Variants in CTNND2 observed in about 807,000 individuals in gnomAD.
CTNND2 encodes the protein catenin delta-2.
A neutral mutation model predicts 144.4 loss-of-function variants in CTNND2; 22 were observed. The observed-to-expected ratio is 0.15, with a 90% confidence interval of 0.11 to 0.22. The LOEUF is 0.22. Ranked by LOEUF, CTNND2 falls within the 10% of genes least tolerant of loss-of-function variation. The pLI is 1.00. For missense variants in CTNND2, 1,353 were observed against 1,618.8 expected (o/e 0.84, Z 2.82); for synonymous variants, 751 against 695.6 (o/e 1.08, Z -1.25).
chr5:11,114,278 G>A (rs2973501), intron 13 of CTNND2, among the ~76,000 whole-genome samples: 33,737 of 152,000 alleles, frequency 0.22, 4,188 homozygotes, highest in Middle Eastern at 0.33. Flanking sequence ...GACTCCTGGG[G>A]AATAAATCTG....
chr5:11,542,118 A>G (rs1384871800), intron 3 of CTNND2, among the ~76,000 whole-genome samples: 2 of 152,166 alleles, frequency 1.3e-5, no homozygotes, highest in Non-Finnish European at 2.9e-5. Context: ...GATTTACCTC[A>G]GAGGCAACAC....
At chr5:11,675,942 G>A (rs936941264) in intron 2 of CTNND2, among the ~76,000 whole-genome samples, 5 of 151,452 alleles carry the variant, frequency 3.3e-5, no homozygotes, top group Admixed American at 1.3e-4. Flanking sequence ...GTTTTCTTCA[G>A]CTCCATCAAG....
Position 11,454,420 on chromosome 5 carries a change from TA to T in CTNND2, c.288-42352del, listed in dbSNP as rs890483903. On this transcript the variant is annotated intron_variant, in intron 3 of 21. Transcript: ENST00000304623. ...GGTGACAGAGCGAGACTCCGTCTAA[TA>T]AAAAAAAAATAAGTAAATAATAAAA... 1.3e-3 allele frequency among the ~76,000 whole-genome samples: 186 copies of T among 148,006 alleles called. 1 individual carries two copies. Among genetic ancestry groups the T allele is most frequent in the African/African-American group, 4.0e-3 (162 of 40,420 alleles).
chr5:11,734,181 G>A lies in CTNND2; in HGVS notation c.38-1909C>T, dbSNP rs139266237. ...TCAAGTTAATTTCCATTGCTTATAA[G>A]GAGCCAATTTATGGTGTTTGGTTAC... On this transcript the variant is annotated intron_variant, in intron 1 of 21. Transcript: ENST00000304623. 5.3e-3 allele frequency among the ~76,000 whole-genome samples: 801 copies of A among 152,268 alleles called. 4 individuals are homozygous for A. The highest frequency in any genetic ancestry group is 0.019 in the African/African-American group (774 of 41,550).
intron 1 of CTNND2, among the ~76,000 whole-genome samples, chr5:11,743,215 T>C (rs1021801878): frequency 6.6e-6 from 1 of 152,190 alleles, no homozygotes; most frequent in Non-Finnish European, 1.5e-5. Context: ...AGCTAATATA[T>C]GAACGATTAG....
chr5:11,708,610 C>T (rs913357189), intron 2 of CTNND2, among the ~76,000 whole-genome samples: 1 of 152,128 alleles, frequency 6.6e-6, no homozygotes, highest in Non-Finnish European at 1.5e-5. Flanking sequence ...CTGGGATTAT[C>T]TAGGGCGGGC....
At chr5:11,216,770 G>A (rs751388947) in intron 10 of CTNND2, among the ~76,000 whole-genome samples, 2 of 152,252 alleles carry the variant, frequency 1.3e-5, no homozygotes, top group Non-Finnish European at 2.9e-5. Flanking sequence ...GAGCACTTCA[G>A]GCTCGCTGGA....
At chr5:11,340,680 T>C (rs370662746) in intron 9 of CTNND2, among the ~76,000 whole-genome samples, 13 of 152,342 alleles carry the variant, frequency 8.5e-5, no homozygotes, top group African/African-American at 2.9e-4. Flanking sequence ...CAGTGATTCA[T>C]AGTTTTGCAG....
intron 9 of CTNND2, among the ~76,000 whole-genome samples, chr5:11,261,986 T>C (rs1022339411): frequency 6.6e-6 from 1 of 152,148 alleles, no homozygotes; most frequent in African/African-American, 2.4e-5. Context: ...AGTCAAAACA[T>C]ATCTACGCCT....
At chr5:11,194,890 G>C (rs1049747570) in intron 11 of CTNND2, among the ~76,000 whole-genome samples, 1 of 152,126 alleles carries the variant, frequency 6.6e-6, no homozygotes, top group Non-Finnish European at 1.5e-5. Flanking sequence ...ATATTCTCTT[G>C]GGCCCCTGGT....
At chr5:11,595,050 G>A (rs1019758657) in intron 2 of CTNND2, among the ~76,000 whole-genome samples, 16 of 152,160 alleles carry the variant, frequency 1.1e-4, no homozygotes, top group Non-Finnish European at 2.4e-4. Flanking sequence ...TGCCTTCCAA[G>A]GGACACGGGG....
intron 9 of CTNND2, among the ~76,000 whole-genome samples, chr5:11,316,840 A>C (rs1218080831): frequency 2.0e-5 from 3 of 152,230 alleles, no homozygotes; most frequent in East Asian, 1.9e-4. Context: ...TTATGGCTGC[A>C]TAGTATTCCA....
intron 1 of CTNND2, among the ~76,000 whole-genome samples, chr5:11,899,875 T>C (rs1737715587): frequency 6.6e-6 from 1 of 152,168 alleles, no homozygotes; most frequent in African/African-American, 2.4e-5. Context: ...AAGCCAGTGC[T>C]CTCTCCACAT....
intron 20 of CTNND2, among the ~76,000 whole-genome samples, chr5:10,987,485 T>C (rs954840712): frequency 6.6e-6 from 1 of 152,160 alleles, no homozygotes. Context: ...GCGTGAAAGA[T>C]GAATGCCTCC....
At chr5:11,210,820 C>CT (rs1738554033) in intron 10 of CTNND2, among the ~76,000 whole-genome samples, 1 of 152,136 alleles carries the variant, frequency 6.6e-6, no homozygotes, top group African/African-American at 2.4e-5. Flanking sequence ...CAAATGTTTC[C>CT]TGTGGGCCTT....
intron 1 of CTNND2, among the ~76,000 whole-genome samples, chr5:11,787,514 G>C (rs945838879): frequency 1.3e-5 from 2 of 152,146 alleles, no homozygotes; most frequent in African/African-American, 4.8e-5. Flanking sequence ...TGCAATTGAT[G>C]TACTTATTAT....
At chr5:11,629,657 A>G (rs985878028) in intron 2 of CTNND2, among the ~76,000 whole-genome samples, 1 of 152,074 alleles carries the variant, frequency 6.6e-6, no homozygotes, top group Non-Finnish European at 1.5e-5. Context: ...TCTGAACACA[A>G]GTTCATTTCT....
chr5:11,464,405 C>A (rs1766480290), intron 3 of CTNND2, among the ~76,000 whole-genome samples: 1 of 152,076 alleles, frequency 6.6e-6, no homozygotes, highest in Admixed American at 6.5e-5. Context: ...AGGGAGCCTG[C>A]AATGTTCTCC....
chr5:11,115,611 G>C (rs935235355), intron 13 of CTNND2, among the ~76,000 whole-genome samples: 1 of 152,162 alleles, frequency 6.6e-6, no homozygotes, highest in Non-Finnish European at 1.5e-5. Context: ...GATACTAAAT[G>C]GTCTAAAATG....
Sources: gnomAD v4.1 joint callset for allele counts (sites outside exome capture counted in the v4.1 genomes callset) on GRCh38, gnomAD v4.1.1 for gene constraint, MANE v1.5 for transcripts, NCBI Gene and HGNC (gene_info 2026-07-23, HGNC 2026-07-21) for gene names.